PLXNA4: variants seen among roughly 807,000 people sequenced by gnomAD.
PLXNA4 encodes the protein plexin-A4.
PLXNA4 carries 44 observed loss-of-function variants against 191.8 expected under a neutral mutation model. That is an observed-to-expected ratio of 0.23 (90% CI 0.18 to 0.29). The LOEUF is 0.29. Ranked by LOEUF, PLXNA4 falls within the 10% of genes least tolerant of loss-of-function variation. PLXNA4 has a pLI of 1.00. For missense variants in PLXNA4, 1,800 were observed against 2,488.8 expected, an observed-to-expected ratio of 0.72 and a Z score of 5.89; for synonymous variants, 1,082 against 1,009.5, an observed-to-expected ratio of 1.07 and a Z score of -1.36.
intron 2 of PLXNA4, among the ~76,000 whole-genome samples, chr7:132,627,006 G>T (rs1803390168): frequency 6.6e-6 from 1 of 152,158 alleles, no homozygotes; most frequent in Non-Finnish European, 1.5e-5. Context: ...AAATTTCAAT[G>T]GCTCCTGACT....
At chr7:132,614,330 C>T (rs1803109735) in intron 2 of PLXNA4, among the ~76,000 whole-genome samples, 1 of 152,192 alleles carries the variant, frequency 6.6e-6, no homozygotes, top group African/African-American at 2.4e-5. Context: ...TTCAGACTAG[C>T]CACATTTCAA....
At chr7:132,154,537 C>G (rs1218125708) in intron 25 of PLXNA4, among the ~76,000 whole-genome samples, 4 of 151,972 alleles carry the variant, frequency 2.6e-5, no homozygotes, top group African/African-American at 9.7e-5. Flanking sequence ...CTGTAAAGTG[C>G]TGTGCACTGG....
intron 2 of PLXNA4, among the ~76,000 whole-genome samples, chr7:132,632,235 C>CAAA (rs398006359): frequency 1.4e-4 from 11 of 78,618 alleles, no homozygotes; most frequent in East Asian, 3.4e-4. Context: ...GACTCCATCT[C>CAAA]AAAAAAAAAA....
chr7:132,561,269 G>T (rs1363243045), intron 1 of PLXNA4, among the ~76,000 whole-genome samples: 1 of 151,686 alleles, frequency 6.6e-6, no homozygotes, highest in African/African-American at 2.4e-5. Flanking sequence ...AACTCAACTG[G>T]ATGCCCCTCT....
chr7:132,453,243 C>CAGGTGGGAGAGCAGCAAAGATGGGCA (rs1485109331), intron 3 of PLXNA4, among the ~76,000 whole-genome samples: 3 of 152,118 alleles, frequency 2.0e-5, no homozygotes, highest in African/African-American at 7.2e-5. Flanking sequence ...TCAGATCAGG[C>CAGGTGGGAGAGCAGCAAAGATGGGCA]AGGTGGGAGA....
At position 132,484,712 on chromosome 7, in the gene PLXNA4, T is replaced by C; in HGVS notation, c.1371+4580A>G. 4 of 1,524,506 alleles carry C rather than the reference T, an allele frequency of 2.6e-6. No homozygotes were observed. In the South Asian group the frequency reaches 3.8e-5, roughly 15 times the overall value. 94.4% of individuals were successfully genotyped at this position (1,524,506 alleles called of 1,614,324 possible). The stretch of plus-strand genomic sequence containing the variant: ...TCCTAGTCTATTTGGTGTTCCAACA[T>C]TGTATCTCCATTTGATTTCCTGACA... On this transcript the variant is annotated intron_variant, in intron 3 of 31. Coordinates refer to ENST00000321063, the MANE Select transcript of PLXNA4 (RefSeq NM_020911.2).
chr7:132,384,926 A>G, intron 3 of PLXNA4: 1 of 1,283,030 alleles, frequency 7.8e-7, no homozygotes, highest in African/African-American at 1.5e-5. Flanking sequence ...ATAACACCAC[A>G]AGAGTCAAAC....
At chr7:132,150,716 G>T (rs1795571558) in intron 25 of PLXNA4, among the ~76,000 whole-genome samples, 1 of 152,190 alleles carries the variant, frequency 6.6e-6, no homozygotes. Context: ...CAACTGCAAG[G>T]GCACTGCTTG....
chr7:132,585,371 G>C (rs1471930666), intron 2 of PLXNA4, among the ~76,000 whole-genome samples: 2 of 152,156 alleles, frequency 1.3e-5, no homozygotes, highest in African/African-American at 4.8e-5. Context: ...ATGTTATCAG[G>C]AACTGTGTAG....
intron 2 of PLXNA4, among the ~76,000 whole-genome samples, chr7:132,645,162 G>A (rs561248053): frequency 2.0e-5 from 3 of 152,184 alleles, no homozygotes; most frequent in Non-Finnish European, 2.9e-5. Context: ...TCATGCAGCC[G>A]CTTCCTTTGC....
chr7:132,508,896 G>C lies in PLXNA4; in HGVS notation c.-86-117C>G. 1.8e-6 allele frequency: 2 copies of C among 1,085,088 alleles called. No individual in the cohort carries two copies. The highest frequency in any genetic ancestry group is 2.5e-6 in the Non-Finnish European group (2 of 803,318). 67.2% of individuals were successfully genotyped at this position (1,085,088 alleles called of 1,614,324 possible). A position where few individuals can be genotyped will look rare whatever the true frequency, so the allele number is the denominator to read the frequency against. ...CACACACTGAGCAGAACTGCACTGG[G>C]GGGTGCTGGAGGCTGACTGAGTCAA... On this transcript the variant is annotated intron_variant, in intron 1 of 31. Transcript: ENST00000321063. This position sits in a 1 kb window ranked among gnomAD's most constrained non-coding sequence, Gnocchi z 4.4.
At chr7:132,170,464 C>A (rs1161241255) in intron 21 of PLXNA4, among the ~76,000 whole-genome samples, 1 of 152,216 alleles carries the variant, frequency 6.6e-6, no homozygotes, top group Non-Finnish European at 1.5e-5. Flanking sequence ...TAAACAGCAG[C>A]TACATCCTCC....
chr7:132,241,150 A>C lies in PLXNA4; in HGVS notation c.1520T>G (p.Val507Gly), dbSNP rs765543966. 6.2e-7 allele frequency: 1 copy of C among 1,612,392 alleles called. No individual in the cohort carries two copies. The highest frequency in any genetic ancestry group is 8.5e-7 in the Non-Finnish European group (1 of 1,178,786). Residue 507 changes from valine (V) to glycine (G), a missense_variant, in exon 5 of 32, where the codon GTG (valine) becomes GGG (glycine). Physicochemically the swap from Val to Gly is moderately radical, Grantham distance 109. Around this residue, in one of 6 missense-constraint regions of PLXNA4, gnomAD observed 1,397 missense variants for 1,880.4 expected, o/e 0.74. Transcript: ENST00000321063. ...MSERQLTRVP[V>G]ESCGQYQSCG... ...GCTCTGATACTGACCACAGGACTCC[A>C]CAGGGACTCTGGTGAGCTAGGACAG... is the stretch of plus-strand genomic sequence containing the variant.
chr7:132,344,229 A>AT (rs36037835), intron 3 of PLXNA4, among the ~76,000 whole-genome samples: 18 of 150,640 alleles, frequency 1.2e-4, no homozygotes, highest in East Asian at 5.9e-4. Context: ...CAAGACATGG[A>AT]TTTTTTTTTT....
intron 2 of PLXNA4, among the ~76,000 whole-genome samples, chr7:132,503,540 C>G (rs975354499): frequency 6.6e-6 from 1 of 152,152 alleles, no homozygotes; most frequent in Non-Finnish European, 1.5e-5. Context: ...ATCACCTTCT[C>G]CTGCATAAGG....
intron 2 of PLXNA4, among the ~76,000 whole-genome samples, chr7:132,610,794 C>T (rs918771495): frequency 3.9e-5 from 6 of 152,240 alleles, no homozygotes; most frequent in African/African-American, 1.4e-4. Context: ...CTGGAGAGAG[C>T]ATCTTAGGAG....
rs117547946 is a variant in PLXNA4, at chr7:132,485,849, C to T, written c.1371+3443G>A. Among the ~76,000 whole-genome samples the T allele has an allele frequency of 2.0e-3, 298 of 152,306 alleles. 2 individuals are homozygous for T. Among genetic ancestry groups the T allele is most frequent in the Non-Finnish European group, 3.4e-3 (229 of 68,034 alleles). ...TTGGCACTTTCCTCACCTCCTTTCC[C>T]CCCGCTTCATGTGACGTGTGCACTA... On this transcript the variant is annotated intron_variant, in intron 3 of 31. Transcript: ENST00000321063.
intron 2 of PLXNA4, among the ~76,000 whole-genome samples, chr7:132,644,581 C>T (rs1195690403): frequency 6.6e-6 from 1 of 152,176 alleles, no homozygotes; most frequent in East Asian, 1.9e-4. Context: ...CAGGGGAGAA[C>T]ATTACTTTAC....
intron 3 of PLXNA4, among the ~76,000 whole-genome samples, chr7:132,375,414 G>GGA (rs1280341987): frequency 6.6e-6 from 1 of 152,132 alleles, no homozygotes; most frequent in East Asian, 1.9e-4. Flanking sequence ...ATGCCACATG[G>GGA]ACTTGGCTCC....
Sources: gnomAD v4.1 joint callset for allele counts (sites outside exome capture counted in the v4.1 genomes callset) on GRCh38, gnomAD v4.1.1 for gene constraint, gnomAD v4.1.1 regional missense constraint, Gnocchi (gnomAD v3.1) non-coding constraint, MANE v1.5 for transcripts, NCBI Gene and HGNC (gene_info 2026-07-23, HGNC 2026-07-21) for gene names.